AREG: variants seen among roughly 807,000 people sequenced by gnomAD.
AREG encodes the protein amphiregulin, also known as amphiregulin B.
A neutral mutation model predicts 28.0 loss-of-function variants in AREG; 16 were observed. The ratio of observed to expected loss-of-function variants is 0.57; its 90% CI spans 0.39 to 0.87. The LOEUF (loss-of-function observed/expected upper bound fraction) is 0.87. Among genes scored for constraint, AREG ranks in the 40% least tolerant of loss-of-function variants. The pLI is 0.00. For missense variants in AREG, 287 were observed against 309.1 expected (o/e 0.93, Z 0.53); for synonymous variants, 113 against 113.5 (o/e 1.00, Z 0.02).
At chr4:74,452,075 G>A (rs1041660587) in intron 4 of AREG, among the ~76,000 whole-genome samples, 4 of 152,154 alleles carry the variant, frequency 2.6e-5, no homozygotes, top group Non-Finnish European at 4.4e-5. Context: ...AGTTTTTAAA[G>A]TGGAAAGCAG....
At chr4:74,449,904 T>A (rs1578844720) in intron 3 of AREG, among the ~76,000 whole-genome samples, 1 of 102,082 alleles carries the variant, frequency 9.8e-6, no homozygotes, top group African/African-American at 4.2e-5. Flanking sequence ...TGCTCCTGCT[T>A]GCTCTCTCTC....
At chr4:74,451,898 A>G (rs1215505131) in intron 4 of AREG, among the ~76,000 whole-genome samples, 8 of 152,234 alleles carry the variant, frequency 5.3e-5, no homozygotes, top group African/African-American at 1.9e-4. Flanking sequence ...CACTAAACCT[A>G]AGCAAAAGTT....
chr4:74,448,317 A>G (rs1300479703), intron 2 of AREG, among the ~76,000 whole-genome samples: 1 of 152,246 alleles, frequency 6.6e-6, no homozygotes, highest in Admixed American at 6.5e-5. Flanking sequence ...TTATTATAAT[A>G]AACTGCTAAA....
intron 1 of AREG, among the ~76,000 whole-genome samples, 183 bp from the exon 2 acceptor site, chr4:74,446,351 A>G (rs1182976017): frequency 6.6e-6 from 1 of 152,274 alleles, no homozygotes; most frequent in Non-Finnish European, 1.5e-5. Context: ...TAATTGGGAC[A>G]GCTGAATTTG....
chr4:74,452,784 A>G, intron 5 of AREG, 129 bp downstream of exon 5: 2 of 800,294 alleles, frequency 2.5e-6, no homozygotes, highest in Non-Finnish European at 3.9e-6. Context: ...GCTATGTTAA[A>G]GTATTATTCT....
Position 74,452,672 on chromosome 4 carries a change from A to G in AREG, c.*18+17A>G. The G allele has an allele frequency of 6.2e-7, 1 of 1,603,546 alleles. No individual in the cohort carries two copies. On this transcript the variant is annotated intron_variant, in intron 5 of 5. Transcript: ENST00000395748. Reference sequence around the variant, plus strand: ...AAATTACAGGTTTGAGTTTTAAAATATATCTTTAGATCATATCCTATAATT... The same window carrying G: ...AAATTACAGGTTTGAGTTTTAAAATGTATCTTTAGATCATATCCTATAATT...
At chr4:74,447,121 C>T (rs1719306042) in intron 2 of AREG, among the ~76,000 whole-genome samples, 1 of 152,142 alleles carries the variant, frequency 6.6e-6, no homozygotes, top group South Asian at 2.1e-4. Context: ...AATTAGAGCT[C>T]CAGTCTGTTT....
rs1028920999 is a variant in AREG at position 74,446,664 on chromosome 4, C to T, written c.192C>T (p.Ser64=). Residue 64 remains serine (S), a synonymous_variant, in exon 2 of 6, where the codon TCC becomes TCT. Transcript: ENST00000395748. ...RSEMSSGSEI[S]PVSEMPSSSE... ...AGATGTCTTCAGGGAGTGAGATTTC[C>T]CCTGTGAGTGAAATGCCTTCTAGTA... The T allele has an allele frequency of 1.2e-6, 2 of 1,613,868 alleles. No homozygotes were observed. The highest frequency in any genetic ancestry group is 2.2e-5 in the East Asian group (1 of 44,868).
chr4:74,450,367 G>A lies in AREG; in HGVS notation c.513-13G>A, dbSNP rs929707206. 8 of 1,613,764 alleles carry A rather than the reference G, an allele frequency of 5.0e-6. No individual in the cohort carries two copies. The African/African-American group carries it at 1.1e-4, about 22-fold the overall frequency. ...TTTTGTGATTATAATTTTTAAATGTGAATTGCTTGCAGATGTCAGCAAGAA... is the reference window on the plus strand; with the variant it reads ...TTTTGTGATTATAATTTTTAAATGTAAATTGCTTGCAGATGTCAGCAAGAA... On this transcript the variant is annotated splice_polypyrimidine_tract_variant and intron_variant, in intron 3 of 5. Coordinates refer to ENST00000395748, the MANE Select transcript of AREG (RefSeq NM_001657.4).
intron 4 of AREG, among the ~76,000 whole-genome samples, chr4:74,450,945 A>G (rs1354089990): frequency 6.6e-6 from 1 of 152,220 alleles, no homozygotes; most frequent in African/African-American, 2.4e-5. Flanking sequence ...TTGATACTAA[A>G]AACGACAAAG....
At position 74,449,176 on chromosome 4, in the gene AREG, AT is replaced by A; in HGVS notation, c.441del (p.Asn147LysfsTer16). On this transcript the variant is annotated frameshift_variant, in exon 3 of 6. Coordinates refer to ENST00000395748, the MANE Select transcript of AREG (RefSeq NM_001657.4). LOFTEE classifies it high-confidence loss of function. ...RRNRKKKNPC[N>X]AEFQNFCIHG... Reference sequence around the variant, plus strand: ...AACAGAAAGAAGAAAAATCCATGTAATGCAGAATTTCAAAATTTCTGCATTC... The same window carrying A: ...AACAGAAAGAAGAAAAATCCATGTAAGCAGAATTTCAAAATTTCTGCATTC... 6.2e-7 allele frequency: 1 copy of A among 1,613,342 alleles called. No individual in the cohort carries two copies. Among genetic ancestry groups the A allele is most frequent in the Non-Finnish European group, 8.5e-7 (1 of 1,179,794 alleles).
At position 74,450,418 on chromosome 4, in the gene AREG, A is replaced by G. The variant is rs1330993065; in HGVS notation, c.551A>G (p.Lys184Arg). ...QEYFGERCGE[K>R]SMKTHSMIDS... ...TATTTCGGTGAACGGTGTGGGGAAA[A>G]GTCCATGAAAACTCACAGCATGATT... Residue 184 changes from lysine (K) to arginine (R), a missense_variant, in exon 4 of 6, where the codon AAG (lysine) becomes AGG (arginine). Physicochemically the swap from Lys to Arg is conservative, Grantham distance 26. Coordinates refer to ENST00000395748, the MANE Select transcript of AREG (RefSeq NM_001657.4). 2 of 1,613,950 alleles carry G rather than the reference A, an allele frequency of 1.2e-6. No individual in the cohort carries two copies. The highest frequency in any genetic ancestry group is 1.7e-6 in the Non-Finnish European group (2 of 1,179,856).
chr4:74,449,886 T>G (rs1719353025), intron 3 of AREG, among the ~76,000 whole-genome samples: 1 of 151,782 alleles, frequency 6.6e-6, no homozygotes, highest in Admixed American at 6.6e-5. Context: ...ACCATTATTT[T>G]TTGTGCATGC....
In AREG at chr4:74,449,088, G is replaced by C; in HGVS notation, c.352G>C (p.Glu118Gln). Residue 118 changes from glutamate to glutamine, a missense_variant, in exon 3 of 6, where the codon GAA (glutamate) becomes CAA (glutamine). Coordinates refer to ENST00000395748, the MANE Select transcript of AREG (RefSeq NM_001657.4). Reference sequence around the variant, plus strand: ...GCCCCCCCAAAACAAGACGGAAAGTGAAAATACTTCAGATAAACCCAAAAG... The same window carrying C: ...GCCCCCCCAAAACAAGACGGAAAGTCAAAATACTTCAGATAAACCCAAAAG... ...VKPPQNKTES[E>Q]NTSDKPKRKK... The C allele has an allele frequency of 8.7e-6, 14 of 1,611,010 alleles. No individual in the cohort carries two copies. The highest frequency in any genetic ancestry group is 1.2e-5 in the Non-Finnish European group (14 of 1,179,462).
intron 4 of AREG, among the ~76,000 whole-genome samples, chr4:74,451,352 CAT>C (rs1429766482): frequency 1.3e-5 from 2 of 152,176 alleles, no homozygotes; most frequent in South Asian, 2.1e-4. Context: ...TGTGATGACT[CAT>C]GTGCTACTAG....
In AREG at chr4:74,446,595, T is replaced by C. The variant is rs1719292084; in HGVS notation, c.123T>C (p.Ser41=). Residue 41 remains serine (S), a synonymous_variant, in exon 2 of 6, where the codon TCT becomes TCC. Transcript: ENST00000395748. ...DTYSGKREPF[S]GDHSADGFEV... ...ACTCTGGGAAGCGTGAACCATTTTC[T>C]GGGGACCACAGTGCTGATGGATTTG... 1 of 1,613,986 alleles carries C rather than the reference T, an allele frequency of 6.2e-7. No individual in the cohort carries two copies. Among genetic ancestry groups the C allele is most frequent in the Non-Finnish European group, 8.5e-7 (1 of 1,179,860 alleles).
chr4:74,445,808 G>A (rs1719272703), intron 1 of AREG, among the ~76,000 whole-genome samples: 1 of 152,116 alleles, frequency 6.6e-6, no homozygotes, highest in African/African-American at 2.4e-5. Context: ...TACCTTCCTA[G>A]AGGGACTTAG....
In AREG at chr4:74,454,783, A is replaced by G. The variant is rs938754875; in HGVS notation, c.*43A>G. The G allele has an allele frequency of 2.0e-4, 140 of 698,936 alleles. No individual in the cohort carries two copies. In the African/African-American group the frequency reaches 2.4e-3, roughly 12 times the overall value. 43.3% of individuals were successfully genotyped at this position (698,936 alleles called of 1,614,324 possible). A position where few individuals can be genotyped will look rare whatever the true frequency, so the allele number is the denominator to read the frequency against. ...GGATATCACATTGGAGTCACTGCCA[A>G]GTCATAGCCATAAATGATGAGTCGG... On this transcript the variant is annotated 3_prime_UTR_variant, in exon 6 of 6. Transcript: ENST00000395748.
chr4:74,449,400 G>C (rs1719344813), intron 3 of AREG, 152 bp downstream of exon 3: 1 of 1,395,116 alleles, frequency 7.2e-7, no homozygotes, highest in African/African-American at 1.5e-5. Flanking sequence ...TAGGCTTAGT[G>C]GGCCAAGATT....
Sources: gnomAD v4.1 joint callset for allele counts (sites outside exome capture counted in the v4.1 genomes callset) on GRCh38, gnomAD v4.1.1 for gene constraint, MANE v1.5 for transcripts, NCBI Gene and HGNC (gene_info 2026-07-23, HGNC 2026-07-21) for gene names.